ADAMTS16: variants seen among roughly 807,000 people sequenced by gnomAD.
ADAMTS16 encodes A disintegrin and metalloproteinase with thrombospondin motifs 16.
Under a neutral mutation model 145.8 loss-of-function variants are expected in ADAMTS16, and 94 were observed. That is an observed-to-expected ratio of 0.64 (90% CI 0.55 to 0.77). The LOEUF is 0.77. Among genes scored for constraint, ADAMTS16 ranks in the 30% least tolerant of loss-of-function variants. The pLI, the probability that ADAMTS16 is intolerant of heterozygous loss-of-function variation, is 0.00. For missense variants in ADAMTS16, 1,585 were observed against 1,591.5 expected, an observed-to-expected ratio of 1.00 and a Z score of 0.07; for synonymous variants, 659 against 604.3, an observed-to-expected ratio of 1.09 and a Z score of -1.33.
At chr5:5,300,340 A>C (rs1053155161) in intron 18 of ADAMTS16, among the ~76,000 whole-genome samples, 1 of 152,206 alleles carries the variant, frequency 6.6e-6, no homozygotes, top group South Asian at 2.1e-4. Flanking sequence ...CCAAGAATCA[A>C]TTTTTCATAA....
intron 9 of ADAMTS16, among the ~76,000 whole-genome samples, chr5:5,200,690 T>G (rs1735930860): frequency 6.6e-6 from 1 of 152,178 alleles, no homozygotes; most frequent in Non-Finnish European, 1.5e-5. Context: ...TTTCTTTTCC[T>G]TCCTTCCTTT....
At chr5:5,316,274 A>G (rs561898209) in intron 21 of ADAMTS16, among the ~76,000 whole-genome samples, 28 of 152,286 alleles carry the variant, frequency 1.8e-4, no homozygotes, top group African/African-American at 6.7e-4. Context: ...CCAGTTTTTC[A>G]CAGTGTGATC....
intron 18 of ADAMTS16, among the ~76,000 whole-genome samples, chr5:5,295,834 C>A (rs756814787): frequency 6.6e-6 from 1 of 152,168 alleles, no homozygotes; most frequent in Non-Finnish European, 1.5e-5. Context: ...AGTTATATAC[C>A]CAGTGGAAAA....
At chr5:5,290,730 T>C (rs1226867644) in intron 18 of ADAMTS16, among the ~76,000 whole-genome samples, 4 of 152,210 alleles carry the variant, frequency 2.6e-5, no homozygotes, top group Non-Finnish European at 5.9e-5. Context: ...GCAGCTTCTC[T>C]TGGGAGTTAA....
At chr5:5,150,673 T>C (rs920302277) in intron 3 of ADAMTS16, among the ~76,000 whole-genome samples, 7 of 152,226 alleles carry the variant, frequency 4.6e-5, no homozygotes, top group African/African-American at 1.7e-4. Context: ...CCCTATCTCA[T>C]GATGTTGCAT....
intron 17 of ADAMTS16, among the ~76,000 whole-genome samples, chr5:5,247,352 C>A (rs774466481): frequency 1.7e-4 from 26 of 152,056 alleles, no homozygotes; most frequent in Non-Finnish European, 2.8e-4. Context: ...AATATATTAC[C>A]CCCCCGCCCC....
chr5:5,267,135 C>T (rs554734498), intron 18 of ADAMTS16, among the ~76,000 whole-genome samples: 4 of 152,272 alleles, frequency 2.6e-5, no homozygotes, highest in Non-Finnish European at 5.9e-5. Context: ...TGGCCCACTG[C>T]TCAAACCTCT....
At chr5:5,151,879 T>C (rs953602358) in intron 3 of ADAMTS16, among the ~76,000 whole-genome samples, 7 of 152,148 alleles carry the variant, frequency 4.6e-5, no homozygotes, top group Non-Finnish European at 7.3e-5. Context: ...TTGACCTACT[T>C]CTCCCCATTT....
At chr5:5,289,987 C>G (rs773806431) in intron 18 of ADAMTS16, among the ~76,000 whole-genome samples, 6 of 152,232 alleles carry the variant, frequency 3.9e-5, no homozygotes, top group Non-Finnish European at 8.8e-5. Flanking sequence ...CCAAGCAGTT[C>G]AGAAAACCTA....
At chr5:5,309,126 C>T (rs1579413228) in intron 21 of ADAMTS16, among the ~76,000 whole-genome samples, 1 of 152,186 alleles carries the variant, frequency 6.6e-6, no homozygotes, top group Admixed American at 6.5e-5. Context: ...ACAGTCATCC[C>T]TCTCTACGGG....
At chr5:5,297,464 C>T (rs1280589956) in intron 18 of ADAMTS16, among the ~76,000 whole-genome samples, 1 of 152,178 alleles carries the variant, frequency 6.6e-6, no homozygotes, top group Non-Finnish European at 1.5e-5. Context: ...CAGTGTTCTG[C>T]AGAGGAAACC....
At chr5:5,284,327 C>T (rs1739034989) in intron 18 of ADAMTS16, among the ~76,000 whole-genome samples, 1 of 152,210 alleles carries the variant, frequency 6.6e-6, no homozygotes, top group African/African-American at 2.4e-5. Flanking sequence ...TAATTGCTTG[C>T]AGTTTCCTTA....
intron 3 of ADAMTS16, among the ~76,000 whole-genome samples, chr5:5,151,510 C>G (rs1734457138): frequency 1.3e-5 from 2 of 151,964 alleles, no homozygotes; most frequent in Admixed American, 6.6e-5. Flanking sequence ...AGTGCTGGAA[C>G]CACAGGTGTG....
At chr5:5,154,194 A>G (rs72647740) in intron 3 of ADAMTS16, among the ~76,000 whole-genome samples, 4,653 of 152,286 alleles carry the variant, frequency 0.031, 91 homozygotes, top group Non-Finnish European at 0.037. Flanking sequence ...TGATTTTTGA[A>G]AGAAAGGTGT....
chr5:5,158,493 T>C (rs1734659172), intron 3 of ADAMTS16, among the ~76,000 whole-genome samples: 1 of 145,184 alleles, frequency 6.9e-6, no homozygotes, highest in Non-Finnish European at 1.6e-5. Context: ...TTGGGAAGCA[T>C]ACACTCCCCA....
intron 18 of ADAMTS16, among the ~76,000 whole-genome samples, chr5:5,301,303 C>G (rs1482776239): frequency 6.6e-6 from 1 of 152,172 alleles, no homozygotes; most frequent in Admixed American, 6.5e-5. Context: ...GCTTAAGCAT[C>G]CTCCTTCTAG....
At chr5:5,232,620 T>G in intron 12 of ADAMTS16, 104 bp downstream of exon 12, 2 of 861,126 alleles carry the variant, frequency 2.3e-6, no homozygotes, top group African/African-American at 1.9e-5. Context: ...TTTTTTTTTT[T>G]TGAGATGGAG....
intron 12 of ADAMTS16, among the ~76,000 whole-genome samples, chr5:5,233,317 A>G (rs1455566947): frequency 6.6e-6 from 1 of 152,208 alleles, no homozygotes; most frequent in Non-Finnish European, 1.5e-5. Flanking sequence ...GGAAGTGAAG[A>G]GGCTTTAATT....
chr5:5,232,377 G>C lies in ADAMTS16; in HGVS notation c.1711G>C (p.Gly571Arg). ...ATGTTGAAAATTTTAGTGGTGCCGG[G>C]GAGGACAGTGTGTGAAATATGGTGA... ...TICGHDMWCR[G>R]GQCVKYGDEG... The change falls in exon 12 of 23, where the codon GGA becomes CGA. Residue 571 changes from glycine (G) to arginine (R), a missense_variant. This residue lies in a region of ADAMTS16 where 298 missense variants were observed against 367.6 expected (regional missense o/e 0.81). Coordinates refer to ENST00000274181, the MANE Select transcript of ADAMTS16 (RefSeq NM_139056.4). 1 of 1,613,964 alleles carries C rather than the reference G, an allele frequency of 6.2e-7. No individual in the cohort carries two copies. The highest frequency in any genetic ancestry group is 8.5e-7 in the Non-Finnish European group (1 of 1,180,000).
Sources: gnomAD v4.1 joint callset for allele counts (sites outside exome capture counted in the v4.1 genomes callset) on GRCh38, gnomAD v4.1.1 for gene constraint, gnomAD v4.1.1 regional missense constraint, MANE v1.5 for transcripts, NCBI Gene and HGNC (gene_info 2026-07-23, HGNC 2026-07-21) for gene names.